The following CNTNAP5 variants were observed in gnomAD, a reference collection of about 807,000 sequenced individuals.
The protein encoded by CNTNAP5 is contactin associated protein family member 5, also known as contactin-associated protein-like 5.
CNTNAP5 carries 72 observed loss-of-function variants against 150.2 expected under a neutral mutation model. That is an observed-to-expected ratio of 0.48 (90% CI 0.40 to 0.58). The LOEUF (loss-of-function observed/expected upper bound fraction) is 0.58, where lower values mean the gene tolerates loss of function less well. Among genes scored for constraint, CNTNAP5 ranks in the 20% least tolerant of loss-of-function variants. The pLI is 0.00. For missense variants in CNTNAP5, 1,636 were observed against 1,626.2 expected, an observed-to-expected ratio of 1.01 and a Z score of -0.10; for synonymous variants, 672 against 619.8, an observed-to-expected ratio of 1.08 and a Z score of -1.25.
chr2:124,107,724 T>C (rs1683199513), intron 1 of CNTNAP5, among the ~76,000 whole-genome samples: 1 of 152,226 alleles, frequency 6.6e-6, no homozygotes, highest in African/African-American at 2.4e-5. Context: ...CTGAGACAGG[T>C]CTTTACCAAT....
At position 124,142,391 on chromosome 2, in the gene CNTNAP5, T is replaced by C. The variant is rs1188386212; in HGVS notation, c.83-79314T>C. 2.6e-5 allele frequency among the ~76,000 whole-genome samples: 4 copies of C among 151,706 alleles called. No individual in the cohort carries two copies. In the East Asian group the frequency reaches 7.7e-4, roughly 29 times the overall value. On this transcript the variant is annotated intron_variant, in intron 1 of 23. Transcript: ENST00000682447. Reference sequence around the variant, plus strand: ...CCAAAATTGACCACATAGTTGGAAGTAAAGCTCTCCTCAGCAAATCTAAAG... The same window carrying C: ...CCAAAATTGACCACATAGTTGGAAGCAAAGCTCTCCTCAGCAAATCTAAAG...
intron 1 of CNTNAP5, among the ~76,000 whole-genome samples, chr2:124,073,842 A>G (rs1007893479): frequency 2.0e-5 from 3 of 152,172 alleles, no homozygotes; most frequent in Non-Finnish European, 2.9e-5. Flanking sequence ...CTGGGTATAT[A>G]CTCAAAAGAA....
chr2:124,670,508 C>G (rs1678799884), intron 13 of CNTNAP5, among the ~76,000 whole-genome samples: 1 of 152,064 alleles, frequency 6.6e-6, no homozygotes, highest in African/African-American at 2.4e-5. Flanking sequence ...TTTTCCCATT[C>G]TATCTTTTCA....
At chr2:124,861,016 G>A (rs868074215) in intron 19 of CNTNAP5, among the ~76,000 whole-genome samples, 12 of 151,594 alleles carry the variant, frequency 7.9e-5, no homozygotes, top group Admixed American at 1.3e-4. Flanking sequence ...TATTTTTTCC[G>A]CAGTAAAGTG....
intron 11 of CNTNAP5, among the ~76,000 whole-genome samples, chr2:124,567,919 G>T (rs1696070709): frequency 6.7e-6 from 1 of 150,302 alleles, no homozygotes; most frequent in Non-Finnish European, 1.5e-5. Context: ...TATCAATAAA[G>T]GGATATGCAT....
intron 10 of CNTNAP5, among the ~76,000 whole-genome samples, chr2:124,554,791 C>T (rs1178862202): frequency 6.6e-6 from 1 of 152,108 alleles, no homozygotes; most frequent in African/African-American, 2.4e-5. Flanking sequence ...AAACTACAAA[C>T]ACAAAAGGAC....
intron 4 of CNTNAP5, among the ~76,000 whole-genome samples, chr2:124,427,400 C>T (rs1692263908): frequency 6.6e-6 from 1 of 152,032 alleles, no homozygotes; most frequent in Non-Finnish European, 1.5e-5. Flanking sequence ...AGTTATTTCT[C>T]CATTGATATC....
intron 3 of CNTNAP5, among the ~76,000 whole-genome samples, chr2:124,365,332 A>AG (rs1246019483): frequency 6.6e-6 from 1 of 152,008 alleles, no homozygotes; most frequent in Non-Finnish European, 1.5e-5. Context: ...AGGAAAAAAA[A>AG]AAAAAAAGGA....
intron 1 of CNTNAP5, among the ~76,000 whole-genome samples, chr2:124,214,303 G>C (rs1293792928): frequency 6.6e-6 from 1 of 152,104 alleles, no homozygotes; most frequent in Non-Finnish European, 1.5e-5. Context: ...ATCGTACATA[G>C]AATTGCTTTA....
intron 1 of CNTNAP5, among the ~76,000 whole-genome samples, chr2:124,212,734 C>A (rs1201937751): frequency 6.6e-6 from 1 of 150,908 alleles, no homozygotes; most frequent in Admixed American, 6.6e-5. Context: ...TACTCCTGAA[C>A]TTGGTCTTAC....
At chr2:124,027,807 A>T (rs1387575783) in intron 1 of CNTNAP5, among the ~76,000 whole-genome samples, 2 of 152,208 alleles carry the variant, frequency 1.3e-5, no homozygotes, top group Non-Finnish European at 2.9e-5. Flanking sequence ...AATAATTATT[A>T]ATGATCATTA....
intron 21 of CNTNAP5, among the ~76,000 whole-genome samples, chr2:124,902,059 T>G (rs565887468): frequency 4.1e-4 from 63 of 152,122 alleles, no homozygotes; most frequent in Middle Eastern, 3.4e-3. Flanking sequence ...CTATTACACC[T>G]TAGGAAAAAA....
At chr2:124,248,943 A>T (rs1383328100) in intron 3 of CNTNAP5, among the ~76,000 whole-genome samples, 1 of 152,182 alleles carries the variant, frequency 6.6e-6, no homozygotes, top group African/African-American at 2.4e-5. Flanking sequence ...TATTAAATTA[A>T]TCTTATTGTT....
In CNTNAP5 at chr2:124,120,004, A is replaced by G. The variant is rs995102125; in HGVS notation, c.82+94272A>G. On this transcript the variant is annotated intron_variant, in intron 1 of 23. Transcript: ENST00000682447. ...GGTTCCACCTCAGAGTATCTGATTTAATTGTTCTGTGGAGTGACCTGGGCT... is the reference window on the plus strand; with the variant it reads ...GGTTCCACCTCAGAGTATCTGATTTGATTGTTCTGTGGAGTGACCTGGGCT... Among the ~76,000 whole-genome samples the G allele has an allele frequency of 3.9e-5, 6 of 152,182 alleles. No homozygotes were observed. In the East Asian group the frequency reaches 1.2e-3, roughly 29 times the overall value.
intron 3 of CNTNAP5, among the ~76,000 whole-genome samples, chr2:124,343,440 T>C (rs998134336): frequency 6.6e-6 from 1 of 152,178 alleles, no homozygotes; most frequent in African/African-American, 2.4e-5. Flanking sequence ...TTTCCTTAAT[T>C]GTCCAAAAGT....
At chr2:124,145,811 TTA>T (rs1491587887) in intron 1 of CNTNAP5, among the ~76,000 whole-genome samples, 10 of 12,774 alleles carry the variant, frequency 7.8e-4, no homozygotes, top group African/African-American at 1.3e-3. Context: ...AAAAAAAACA[TTA>T]AAAAAAAAAA....
chr2:124,601,706 T>G (rs1423798815), intron 11 of CNTNAP5, among the ~76,000 whole-genome samples: 1 of 152,092 alleles, frequency 6.6e-6, no homozygotes, highest in African/African-American at 2.4e-5. Context: ...AAAACCAATC[T>G]TCTATAATTT....
chr2:124,415,333 C>T (rs1691889732), intron 3 of CNTNAP5, among the ~76,000 whole-genome samples: 1 of 152,162 alleles, frequency 6.6e-6, no homozygotes, highest in Non-Finnish European at 1.5e-5. Context: ...TGAGCCAATT[C>T]CTTCTTTATA....
intron 1 of CNTNAP5, among the ~76,000 whole-genome samples, chr2:124,142,181 A>T (rs1214297854): frequency 8.3e-6 from 1 of 120,956 alleles, no homozygotes; most frequent in Non-Finnish European, 1.7e-5. Context: ...ACTCCCACAC[A>T]TTAATAATGG....
Sources: allele counts gnomAD v4.1 joint callset (sites outside exome capture counted in the v4.1 genomes callset), GRCh38; gene constraint gnomAD v4.1.1; transcripts MANE v1.5; gene names NCBI Gene and HGNC (gene_info 2026-07-23, HGNC 2026-07-21).